Variants in JADE3 observed in about 807,000 individuals in gnomAD.
The protein encoded by JADE3 is protein Jade-3.
A neutral mutation model predicts 50.1 loss-of-function variants in JADE3; 2 were observed. That is an observed-to-expected ratio of 0.04 (90% CI 0.02 to 0.13). The LOEUF (loss-of-function observed/expected upper bound fraction) is 0.13, where lower values mean the gene tolerates loss of function less well. JADE3 is among the 10% of genes least tolerant of loss of function. The pLI, the probability that JADE3 is intolerant of heterozygous loss-of-function variation, is 1.00. For missense variants in JADE3, 475 were observed against 634.4 expected (o/e 0.75, Z 2.70); for synonymous variants, 218 against 232.9 (o/e 0.94, Z 0.58).
intron 1 of JADE3, among the ~76,000 whole-genome samples, chrX:46,941,795 ACAGT>A (rs1556342323): frequency 9.3e-6 from 1 of 107,898 alleles, no homozygotes; most frequent in African/African-American, 3.4e-5. Flanking sequence ...GTGCAGTTGT[ACAGT>A]CAGTCTCAGC....
intron 1 of JADE3, among the ~76,000 whole-genome samples, chrX:46,914,935 A>G (rs1207107819): frequency 8.9e-6 from 1 of 112,426 alleles, no homozygotes; most frequent in East Asian, 2.8e-4. Flanking sequence ...ATCATAGCTA[A>G]GAAGTATGGA....
intron 3 of JADE3, among the ~76,000 whole-genome samples, chrX:46,992,188 TC>T (rs1928027959): frequency 9.0e-6 from 1 of 110,907 alleles, no homozygotes; most frequent in South Asian, 3.9e-4. Flanking sequence ...TTGATACCCT[TC>T]CCCTGCAGAT....
intron 4 of JADE3, among the ~76,000 whole-genome samples, chrX:47,004,389 T>C (rs1159153819): frequency 8.9e-6 from 1 of 112,421 alleles, no homozygotes; most frequent in Non-Finnish European, 1.9e-5. Flanking sequence ...ACTCCAGACC[T>C]GGAGGCTTCT....
chrX:46,957,768 A>G (rs1556346866), intron 1 of JADE3, among the ~76,000 whole-genome samples: 1 of 112,384 alleles, frequency 8.9e-6, no homozygotes, highest in East Asian at 2.8e-4. Flanking sequence ...CTGATTGATT[A>G]TAGACCCACT....
intron 5 of JADE3, among the ~76,000 whole-genome samples, chrX:47,025,436 G>A (rs997317507): frequency 1.8e-5 from 2 of 112,157 alleles, no homozygotes; most frequent in African/African-American, 6.5e-5. Context: ...AAGAAAAGTT[G>A]CAGGCCTAGA....
chrX:47,057,621 C>T (rs1929655083), intron 10 of JADE3, among the ~76,000 whole-genome samples: 1 of 111,214 alleles, frequency 9.0e-6, no homozygotes, highest in African/African-American at 3.3e-5. Context: ...GGGAACCACC[C>T]AACTATCACC....
intron 4 of JADE3, among the ~76,000 whole-genome samples, chrX:47,019,477 T>C (rs782797559): frequency 5.7e-4 from 64 of 111,799 alleles, no homozygotes; most frequent in Admixed American, 1.3e-3. Flanking sequence ...CTCAAATTCC[T>C]GGGCTCAAGT....
intron 1 of JADE3, among the ~76,000 whole-genome samples, chrX:46,929,019 G>A (rs940948047): frequency 2.7e-5 from 3 of 112,112 alleles, no homozygotes; most frequent in Non-Finnish European, 3.8e-5. Context: ...CCATGCTACC[G>A]TTGTGAAAAG....
At chrX:47,001,392 T>C (rs1323953610) in intron 4 of JADE3, among the ~76,000 whole-genome samples, 1 of 111,817 alleles carries the variant, frequency 8.9e-6, no homozygotes, top group Admixed American at 9.5e-5. Context: ...TTGAGAACAA[T>C]TTTGTTATGA....
intron 1 of JADE3, among the ~76,000 whole-genome samples, chrX:46,925,529 G>A (rs1926335509): frequency 8.9e-6 from 1 of 112,036 alleles, no homozygotes; most frequent in Non-Finnish European, 1.9e-5. Flanking sequence ...TGACCAAAAA[G>A]ATGACCTATT....
chrX:46,998,316 G>A, intron 4 of JADE3, 39 bp downstream of exon 4: 1 of 1,145,324 alleles, frequency 8.7e-7, no homozygotes, highest in Non-Finnish European at 1.2e-6. Flanking sequence ...GGGAATGAAT[G>A]CTCTCATGTT....
chrX:47,042,234 G>C lies in JADE3; in HGVS notation c.972+3169G>C, dbSNP rs374490358. ...TTTTTTCTACAATAATTAGTAATTG[G>C]CAATAAGACTTTGGTGAGAGAAAAT... is the stretch of plus-strand genomic sequence containing the variant. On this transcript the variant is annotated intron_variant, in intron 8 of 10. Transcript: ENST00000614628. 7.2e-5 allele frequency among the ~76,000 whole-genome samples: 8 copies of C among 111,591 alleles called. No individual in the cohort carries two copies. In the South Asian group the frequency reaches 3.0e-3, roughly 41 times the overall value.
At chrX:46,957,213 T>TAGATAGA (rs1556346668) in intron 1 of JADE3, among the ~76,000 whole-genome samples, 1 of 98,548 alleles carries the variant, frequency 1.0e-5, no homozygotes, top group African/African-American at 3.8e-5. Flanking sequence ...TTCAGATAGA[T>TAGATAGA]TAGATAGATA....
rs1482974190 is a variant in JADE3, at chrX:46,912,629, G to C, written c.-102G>C. On this transcript the variant is annotated 5_prime_UTR_variant, in exon 1 of 11. Transcript: ENST00000614628. ...GGAAGAGAAGAAAGCGAGCGGTTAG[G>C]GGGGCGGTTACCACTCCGACCGGAC... is the stretch of plus-strand genomic sequence containing the variant. 1 of 110,231 alleles carries C rather than the reference G, an allele frequency of 9.1e-6. No individual in the cohort carries two copies. The highest frequency in any genetic ancestry group is 3.3e-5 in the African/African-American group (1 of 30,639). 9.1% of individuals were successfully genotyped at this position (110,231 alleles called of 1,213,427 possible).
Position 47,058,655 on chromosome X carries a change from A to G in JADE3, c.2050A>G (p.Ser684Gly). 3 of 1,211,480 alleles carry G rather than the reference A, an allele frequency of 2.5e-6. No individual in the cohort carries two copies. The highest frequency in any genetic ancestry group is 3.4e-6 in the Non-Finnish European group (3 of 895,381). The change falls in exon 11 of 11, where the codon AGT becomes GGT. Residue 684 changes from serine to glycine, a missense_variant. Around this residue, in one of 6 missense-constraint regions of JADE3, gnomAD observed 243 missense variants for 238.2 expected, o/e 1.02. Coordinates refer to ENST00000614628, the MANE Select transcript of JADE3 (RefSeq NM_014735.5). Reference sequence around the variant, plus strand: ...GAATGTCACCCAAAAAGACAGCTCGAGTGAGATGTTCTGTGACCAGGAGCC... The same window carrying G: ...GAATGTCACCCAAAAAGACAGCTCGGGTGAGATGTTCTGTGACCAGGAGCC... ...SGNVTQKDSS[S>G]EMFCDQEPVF...
chrX:47,029,012 T>C (rs1189740063), intron 6 of JADE3, among the ~76,000 whole-genome samples: 1 of 112,032 alleles, frequency 8.9e-6, no homozygotes, highest in Non-Finnish European at 1.9e-5. Flanking sequence ...ATTTTGTTAA[T>C]TTGTCTAGCA....
chrX:47,051,199 G>T (rs1929496514), intron 8 of JADE3, among the ~76,000 whole-genome samples: 1 of 111,549 alleles, frequency 9.0e-6, no homozygotes, highest in African/African-American at 3.3e-5. Context: ...TGTAAGGCTG[G>T]ATTAGATGAT....
rs183870980 is a variant in JADE3 at position 47,032,274 on chromosome X, T to C, written c.688-1347T>C. Among the ~76,000 whole-genome samples the C allele has an allele frequency of 1.9e-4, 21 of 111,749 alleles. No homozygotes were observed. The East Asian group carries it at 4.2e-3, about 23-fold the overall frequency. ...TTTCTTTAAGGATCCGCTGTAAATA[T>C]TTCAGTCTTTATAGCCACATACAGT... On this transcript the variant is annotated intron_variant, in intron 6 of 10. Transcript: ENST00000614628.
At chrX:47,000,339 T>G (rs1179591677) in intron 4 of JADE3, among the ~76,000 whole-genome samples, 3 of 111,026 alleles carry the variant, frequency 2.7e-5, no homozygotes, top group African/African-American at 9.8e-5. Context: ...ACCATTCCAT[T>G]GATACTCCGA....
Sources: allele counts gnomAD v4.1 joint callset (sites outside exome capture counted in the v4.1 genomes callset), GRCh38; gene constraint gnomAD v4.1.1; regional missense constraint gnomAD v4.1.1; transcripts MANE v1.5; gene names NCBI Gene and HGNC (gene_info 2026-07-23, HGNC 2026-07-21).